ERC2: variants seen among roughly 807,000 people sequenced by gnomAD.
ERC2 encodes the protein ERC protein 2.
ERC2 carries 42 observed loss-of-function variants against 114.8 expected under a neutral mutation model. The ratio of observed to expected loss-of-function variants is 0.37; its 90% CI spans 0.29 to 0.47. The LOEUF (loss-of-function observed/expected upper bound fraction) is 0.47. Ranked by LOEUF, ERC2 falls within the 20% of genes least tolerant of loss-of-function variation. The pLI is 0.99. For missense variants in ERC2, 939 were observed against 1,150.7 expected (o/e 0.82, Z 2.66); for synonymous variants, 454 against 425.5 (o/e 1.07, Z -0.82).
chr3:56,117,388 G>A (rs181077863), intron 6 of ERC2, among the ~76,000 whole-genome samples: 284 of 152,222 alleles, frequency 1.9e-3, no homozygotes, highest in African/African-American at 6.6e-3. Flanking sequence ...TCCTCCACAG[G>A]AAACCATTTG....
intron 17 of ERC2, among the ~76,000 whole-genome samples, chr3:55,575,608 T>C (rs982219051): frequency 1.3e-5 from 2 of 152,204 alleles, no homozygotes; most frequent in African/African-American, 4.8e-5. Context: ...ATCATTATTA[T>C]GGACTAGGGT....
At chr3:55,843,385 G>A (rs2061220280) in intron 14 of ERC2, among the ~76,000 whole-genome samples, 1 of 152,116 alleles carries the variant, frequency 6.6e-6, no homozygotes, top group African/African-American at 2.4e-5. Context: ...CTTTGATGTA[G>A]GAAGAAACTA....
intron 6 of ERC2, among the ~76,000 whole-genome samples, chr3:56,129,824 C>A (rs1436521764): frequency 6.6e-6 from 1 of 152,108 alleles, no homozygotes; most frequent in Non-Finnish European, 1.5e-5. Flanking sequence ...CACCCCAAAA[C>A]AATGGACACA....
intron 15 of ERC2, among the ~76,000 whole-genome samples, chr3:55,714,195 T>C (rs2063945927): frequency 6.6e-6 from 1 of 152,196 alleles, no homozygotes. Flanking sequence ...TTAATTTCTG[T>C]CTTCTTTGGG....
intron 17 of ERC2, among the ~76,000 whole-genome samples, chr3:55,512,950 G>T: frequency 6.6e-6 from 1 of 152,300 alleles, no homozygotes; most frequent in South Asian, 2.1e-4. Flanking sequence ...ATCCCTTCTG[G>T]GGGGGCAAAG....
At chr3:56,090,639 T>C (rs1299485476) in intron 6 of ERC2, among the ~76,000 whole-genome samples, 1 of 152,024 alleles carries the variant, frequency 6.6e-6, no homozygotes, top group Admixed American at 6.6e-5. Flanking sequence ...GGAAATATTA[T>C]GAATACATGA....
At chr3:55,694,180 A>G (rs2062813245) in intron 16 of ERC2, among the ~76,000 whole-genome samples, 2 of 152,290 alleles carry the variant, frequency 1.3e-5, no homozygotes, top group Admixed American at 1.3e-4. Context: ...TTTGCCACCA[A>G]TGTATAGTAC....
chr3:56,157,579 T>C (rs2081803880), intron 4 of ERC2, among the ~76,000 whole-genome samples: 1 of 152,204 alleles, frequency 6.6e-6, no homozygotes, highest in Non-Finnish European at 1.5e-5. Flanking sequence ...CAGTGTTCTT[T>C]AGGAAAAGAT....
At chr3:55,697,181 A>G (rs1198492872) in intron 16 of ERC2, among the ~76,000 whole-genome samples, 1 of 152,200 alleles carries the variant, frequency 6.6e-6, no homozygotes, top group Non-Finnish European at 1.5e-5. Context: ...AGTGCCACAT[A>G]GTGGCTGCCA....
At chr3:56,358,543 G>A (rs150749645) in intron 2 of ERC2, among the ~76,000 whole-genome samples, 26 of 152,322 alleles carry the variant, frequency 1.7e-4, no homozygotes, top group African/African-American at 5.3e-4. Context: ...AGTGTGGTAC[G>A]TAATGCAACT....
In ERC2 at chr3:55,734,364, C is replaced by A. The variant is rs999176378; in HGVS notation, c.2712+407G>T. Among the ~76,000 whole-genome samples the A allele has an allele frequency of 1.3e-5, 2 of 152,214 alleles. 1 individual carries two copies. Among genetic ancestry groups the A allele is most frequent in the East Asian group, 3.9e-4 (2 of 5,184 alleles). On this transcript the variant is annotated intron_variant, in intron 15 of 17. Transcript: ENST00000288221. Reference sequence around the variant, plus strand: ...TGAAACCTAAAAACCTGGATGAGGGCAATTCTTTACAGGGACCAGAAAATG... The same window carrying A: ...TGAAACCTAAAAACCTGGATGAGGGAAATTCTTTACAGGGACCAGAAAATG...
At chr3:55,948,035 G>C (rs540522919) in intron 13 of ERC2, among the ~76,000 whole-genome samples, 23 of 152,304 alleles carry the variant, frequency 1.5e-4, no homozygotes, top group African/African-American at 5.1e-4. Flanking sequence ...AGGTTTGACT[G>C]AGGTGACGCA....
At chr3:56,046,119 C>G (rs1237676660) in intron 7 of ERC2, among the ~76,000 whole-genome samples, 1 of 152,028 alleles carries the variant, frequency 6.6e-6, no homozygotes, top group Non-Finnish European at 1.5e-5. Flanking sequence ...GTCCCATGAA[C>G]CAGAGCTCTG....
intron 2 of ERC2, among the ~76,000 whole-genome samples, chr3:56,398,111 G>C (rs1000340583): frequency 1.3e-5 from 2 of 152,166 alleles, no homozygotes; most frequent in Non-Finnish European, 2.9e-5. Flanking sequence ...TATATATGTT[G>C]CTAGAGTATG....
intron 6 of ERC2, among the ~76,000 whole-genome samples, chr3:56,129,478 T>G (rs571754365): frequency 6.6e-6 from 1 of 152,256 alleles, no homozygotes; most frequent in East Asian, 1.9e-4. Context: ...TTAAAAAGAG[T>G]AAAGAATGTG....
intron 14 of ERC2, among the ~76,000 whole-genome samples, chr3:55,860,672 T>C (rs931671578): frequency 6.6e-6 from 1 of 152,184 alleles, no homozygotes; most frequent in African/African-American, 2.4e-5. Context: ...AAAACTCCCC[T>C]GCTAATGAGG....
chr3:56,218,193 T>C (rs965021606), intron 3 of ERC2, among the ~76,000 whole-genome samples: 1 of 151,764 alleles, frequency 6.6e-6, no homozygotes, highest in African/African-American at 2.4e-5. Flanking sequence ...ACCATCAGAG[T>C]GAACAGGCAA....
At chr3:55,849,053 T>C (rs994619627) in intron 14 of ERC2, among the ~76,000 whole-genome samples, 33 of 152,158 alleles carry the variant, frequency 2.2e-4, no homozygotes, top group African/African-American at 8.0e-4. Flanking sequence ...CCAGGCTCTA[T>C]GGTAGGTGAG....
chr3:56,420,177 CTT>C (rs34883402), intron 2 of ERC2, among the ~76,000 whole-genome samples: 2,837 of 72,152 alleles, frequency 0.039, 48 homozygotes, highest in African/African-American at 0.12. Context: ...AGTGGTTATA[CTT>C]TTTTTTTTTT....
Sources: allele counts gnomAD v4.1 joint callset (sites outside exome capture counted in the v4.1 genomes callset), GRCh38; gene constraint gnomAD v4.1.1; transcripts MANE v1.5; gene names NCBI Gene and HGNC (gene_info 2026-07-23, HGNC 2026-07-21).